Variants in RASA2 observed in about 807,000 individuals in gnomAD.
RASA2 encodes the protein ras GTPase-activating protein 2.
A neutral mutation model predicts 118.2 loss-of-function variants in RASA2; 155 were observed. The observed-to-expected ratio is 1.31, with a 90% CI of 1.15 to 1.50. The LOEUF (loss-of-function observed/expected upper bound fraction) is 1.50, where lower values mean the gene tolerates loss of function less well. Ranked by LOEUF, RASA2 falls within the 40% of genes most tolerant of loss-of-function variation. The pLI is 0.00. For missense variants in RASA2, 1,016 were observed against 1,009.6 expected, an observed-to-expected ratio of 1.01 and a Z score of -0.09; for synonymous variants, 353 against 349.1, an observed-to-expected ratio of 1.01 and a Z score of -0.12.
chr3:141,609,130 A>G (rs546135957), intron 21 of RASA2, among the ~76,000 whole-genome samples: 4 of 152,366 alleles, frequency 2.6e-5, no homozygotes, highest in African/African-American at 9.6e-5. Flanking sequence ...AATTGTATGG[A>G]ACAACCATTG....
chr3:141,518,346 G>A (rs527869402), intron 3 of RASA2, among the ~76,000 whole-genome samples: 7 of 151,312 alleles, frequency 4.6e-5, no homozygotes, highest in East Asian at 3.9e-4. Flanking sequence ...AGCCTGGAGC[G>A]GCGGTGCGCA....
At chr3:141,565,873 C>T (rs1038092663) in intron 9 of RASA2, among the ~76,000 whole-genome samples, 1 of 152,200 alleles carries the variant, frequency 6.6e-6, no homozygotes, top group Admixed American at 6.5e-5. Flanking sequence ...TTAAATCAGA[C>T]AGTAGATGTT....
intron 1 of RASA2, among the ~76,000 whole-genome samples, chr3:141,500,574 G>T (rs2081764377): frequency 6.6e-6 from 1 of 152,196 alleles, no homozygotes; most frequent in African/African-American, 2.4e-5. Context: ...TAGCATAGTT[G>T]TGAAAAGGTT....
intron 3 of RASA2, among the ~76,000 whole-genome samples, chr3:141,522,999 TACTC>T (rs1415767660): frequency 5.5e-4 from 84 of 152,322 alleles, no homozygotes; most frequent in Admixed American, 2.0e-3. Flanking sequence ...CACTGGCACT[TACTC>T]TGCTCTAATG....
chr3:141,504,950 C>G (rs886739012), intron 1 of RASA2, among the ~76,000 whole-genome samples: 9 of 152,128 alleles, frequency 5.9e-5, no homozygotes, highest in Admixed American at 3.9e-4. Context: ...GCCTGTCCGT[C>G]TCCTTCCCCA....
chr3:141,514,690 C>A (rs1317198325), intron 2 of RASA2, among the ~76,000 whole-genome samples: 1 of 152,130 alleles, frequency 6.6e-6, no homozygotes, highest in Non-Finnish European at 1.5e-5. Context: ...TCTCAGTAAT[C>A]AAAAGCATGT....
chr3:141,533,186 C>G (rs1217987684), intron 4 of RASA2, among the ~76,000 whole-genome samples: 1 of 152,130 alleles, frequency 6.6e-6, no homozygotes, highest in African/African-American at 2.4e-5. Context: ...CTGCCACAAT[C>G]TAGAGAGAAA....
chr3:141,574,324 G>A (rs1352796289), intron 14 of RASA2, among the ~76,000 whole-genome samples: 1 of 151,894 alleles, frequency 6.6e-6, no homozygotes, highest in African/African-American at 2.4e-5. Context: ...CGAGTAGCTG[G>A]GACTACAGGC....
chr3:141,580,085 AATAT>A lies in RASA2; in HGVS notation c.1591-254_1591-251del, dbSNP rs1207351331. On this transcript the variant is annotated intron_variant, in intron 15 of 23. Transcript: ENST00000286364. The stretch of plus-strand genomic sequence containing the variant: ...AAAAAAAAAGAAAAAAAAAAAAAAA[AATAT>A]ATATATATATATATATATATATATA... 4.6e-3 allele frequency among the ~76,000 whole-genome samples: 277 copies of A among 59,578 alleles called. 1 individual carries two copies. Among genetic ancestry groups the A allele is most frequent in the Middle Eastern group, 0.015 (1 of 66 alleles). 39.1% of individuals were successfully genotyped at this position (59,578 alleles called of 152,430 possible).
At chr3:141,533,898 C>T (rs1205894898) in intron 4 of RASA2, among the ~76,000 whole-genome samples, 2 of 152,142 alleles carry the variant, frequency 1.3e-5, no homozygotes, top group Admixed American at 1.3e-4. Context: ...GACATTGTGT[C>T]AATAAGTCTA....
At chr3:141,516,306 T>A in intron 2 of RASA2, 22 bp from the exon 3 acceptor site, 1 of 1,494,122 alleles carries the variant, frequency 6.7e-7, no homozygotes, top group South Asian at 1.4e-5. Flanking sequence ...TTTGAAGTAA[T>A]GAGCTTTCCT....
intron 15 of RASA2, among the ~76,000 whole-genome samples, chr3:141,579,801 AT>A (rs1045563000): frequency 6.6e-6 from 1 of 151,880 alleles, no homozygotes; most frequent in African/African-American, 2.4e-5. Flanking sequence ...CATGCCTGTA[AT>A]CCCAGCACTT....
chr3:141,585,054 T>C (rs555804585), intron 17 of RASA2, among the ~76,000 whole-genome samples: 78 of 152,306 alleles, frequency 5.1e-4, no homozygotes, highest in African/African-American at 9.9e-4. Flanking sequence ...TGTATTCTTA[T>C]GGGCCTTACA....
chr3:141,529,717 C>A lies in RASA2; in HGVS notation c.365C>A (p.Ala122Asp). Residue 122 changes from alanine (A) to aspartate (D), a missense_variant, in exon 4 of 24, where the codon GCC becomes GAC. Transcript: ENST00000286364. ...LQRDLRIGKV[A>D]IKKEDLCNHS... is the part of the protein sequence containing the mutation. ...TACTTATTTTCTGTAGGAAAAGTAG[C>A]CATCAAAAAAGAAGACTTGTGTAAT... 6.2e-7 allele frequency: 1 copy of A among 1,609,118 alleles called. No homozygotes were observed. The highest frequency in any genetic ancestry group is 8.5e-7 in the Non-Finnish European group (1 of 1,176,334).
At chr3:141,520,985 C>G (rs2082104048) in intron 3 of RASA2, among the ~76,000 whole-genome samples, 1 of 152,142 alleles carries the variant, frequency 6.6e-6, no homozygotes, top group Non-Finnish European at 1.5e-5. Flanking sequence ...TTAAAATGGT[C>G]TTGTTTGTAT....
chr3:141,609,263 G>T (rs2083598289), intron 21 of RASA2, among the ~76,000 whole-genome samples, 157 bp from the exon 22 acceptor site: 1 of 151,956 alleles, frequency 6.6e-6, no homozygotes. Context: ...ACTCTCCTTG[G>T]CCCCACTTTA....
At chr3:141,568,846 G>A (rs1305590283) in intron 9 of RASA2, among the ~76,000 whole-genome samples, 1 of 151,810 alleles carries the variant, frequency 6.6e-6, no homozygotes, top group Non-Finnish European at 1.5e-5. Context: ...ATGATGATAA[G>A]CCACAGGAAA....
At chr3:141,568,697 A>G (rs11711375) in intron 9 of RASA2, among the ~76,000 whole-genome samples, 71,869 of 151,806 alleles carry the variant, frequency 0.47, 18,476 homozygotes, top group African/African-American at 0.69. Flanking sequence ...ATTCTTTCTT[A>G]GTTCTTGAAG....
intron 5 of RASA2, among the ~76,000 whole-genome samples, chr3:141,544,371 G>T (rs75884366): frequency 0.013 from 1,997 of 152,044 alleles, 32 homozygotes; most frequent in African/African-American, 0.046. Flanking sequence ...TCTTCTTTCA[G>T]AACGCCAGTG....
Sources: allele counts gnomAD v4.1 joint callset (sites outside exome capture counted in the v4.1 genomes callset), GRCh38; gene constraint gnomAD v4.1.1; transcripts MANE v1.5; gene names NCBI Gene and HGNC (gene_info 2026-07-23, HGNC 2026-07-21).